The following FOXJ3 variants were observed in gnomAD, a reference collection of about 807,000 sequenced individuals.
FOXJ3 encodes forkhead box protein J3.
A neutral mutation model predicts 76.1 loss-of-function variants in FOXJ3; 22 were observed. The ratio of observed to expected loss-of-function variants is 0.29; its 90% confidence interval spans 0.21 to 0.41. The LOEUF (loss-of-function observed/expected upper bound fraction) is 0.41, where lower values mean the gene tolerates loss of function less well. FOXJ3 is among the 10% of genes least tolerant of loss of function. FOXJ3 has a pLI of 1.00. For missense variants in FOXJ3, 613 were observed against 762.1 expected (o/e 0.80, Z 2.30); for synonymous variants, 269 against 261.2 (o/e 1.03, Z -0.29).
intron 4 of FOXJ3, among the ~76,000 whole-genome samples, chr1:42,247,381 TA>T (rs1195466368): frequency 6.6e-6 from 1 of 152,102 alleles, no homozygotes; most frequent in Non-Finnish European, 1.5e-5. Context: ...CAAATTATAT[TA>T]GCAATACAGG....
At chr1:42,242,054 C>T (rs1649187346) in intron 4 of FOXJ3, among the ~76,000 whole-genome samples, 1 of 152,166 alleles carries the variant, frequency 6.6e-6, no homozygotes, top group Admixed American at 6.5e-5. Context: ...CTGCTACATA[C>T]ACCCAGAATC....
At chr1:42,211,260 T>A (rs1414084079) in intron 5 of FOXJ3, among the ~76,000 whole-genome samples, 1 of 152,124 alleles carries the variant, frequency 6.6e-6, no homozygotes, top group Non-Finnish European at 1.5e-5. Context: ...AACTGCATCC[T>A]TAAAGGAGGT....
At chr1:42,318,839 A>G (rs886999828) in intron 1 of FOXJ3, among the ~76,000 whole-genome samples, 1 of 152,226 alleles carries the variant, frequency 6.6e-6, no homozygotes, top group African/African-American at 2.4e-5. Context: ...AAGAGTTACC[A>G]TATGACCCAG....
intron 7 of FOXJ3, among the ~76,000 whole-genome samples, chr1:42,195,813 C>T (rs1039956045): frequency 2.0e-5 from 3 of 152,204 alleles, no homozygotes; most frequent in Non-Finnish European, 2.9e-5. Context: ...AAAATGGCTC[C>T]GCCACTGGCA....
intron 4 of FOXJ3, among the ~76,000 whole-genome samples, chr1:42,239,208 G>A (rs1648937473): frequency 6.6e-6 from 1 of 151,980 alleles, no homozygotes; most frequent in Non-Finnish European, 1.5e-5. Context: ...ATAAAGACAA[G>A]CTTACATTAT....
At chr1:42,300,006 G>C (rs1210796698) in intron 2 of FOXJ3, among the ~76,000 whole-genome samples, 1 of 151,936 alleles carries the variant, frequency 6.6e-6, no homozygotes, top group East Asian at 1.9e-4. Flanking sequence ...TTTGAGACCT[G>C]CCTGGCCAAT....
rs190922610 is a variant in FOXJ3 at position 42,333,660 on chromosome 1, C to A, written c.-18+1399G>T. Among the ~76,000 whole-genome samples the A allele has an allele frequency of 2.3e-4, 35 of 152,150 alleles. No homozygotes were observed. The East Asian group carries it at 6.6e-3, about 29-fold the overall frequency. Reference sequence around the variant, plus strand: ...GCTTCTCTCACTGTTATTGCGGGAACAATCTGTGGTCTCAAAACAGCAAAA... The same window carrying A: ...GCTTCTCTCACTGTTATTGCGGGAAAAATCTGTGGTCTCAAAACAGCAAAA... On this transcript the variant is annotated intron_variant, in intron 1 of 12. Coordinates refer to ENST00000361346, the MANE Select transcript of FOXJ3 (RefSeq NM_014947.5).
chr1:42,321,843 T>G (rs1016905485), intron 1 of FOXJ3, among the ~76,000 whole-genome samples: 1 of 151,898 alleles, frequency 6.6e-6, no homozygotes, highest in Non-Finnish European at 1.5e-5. Context: ...ATTAAAGAGA[T>G]GTATGAGGAA....
At chr1:42,198,992 T>C in intron 7 of FOXJ3, 110 bp downstream of exon 7, 2 of 815,222 alleles carry the variant, frequency 2.5e-6, no homozygotes, top group Non-Finnish European at 3.9e-6. Context: ...AATAAATTTA[T>C]TAGTGAGAAA....
At chr1:42,274,680 GA>G (rs371166342) in intron 3 of FOXJ3, among the ~76,000 whole-genome samples, 16 of 152,150 alleles carry the variant, frequency 1.1e-4, no homozygotes, top group African/African-American at 3.9e-4. Flanking sequence ...CTGGCAGACA[GA>G]AAATAATAAA....
intron 1 of FOXJ3, among the ~76,000 whole-genome samples, chr1:42,326,590 T>C (rs1054074671): frequency 6.6e-6 from 1 of 152,188 alleles, no homozygotes; most frequent in African/African-American, 2.4e-5. Flanking sequence ...AGATGTATAC[T>C]TACATAAAAC....
At chr1:42,289,653 G>A (rs1001817262) in intron 2 of FOXJ3, among the ~76,000 whole-genome samples, 1 of 152,058 alleles carries the variant, frequency 6.6e-6, no homozygotes, top group Non-Finnish European at 1.5e-5. Context: ...ATCTGAAGAG[G>A]CCAAAAAATA....
At chr1:42,201,944 T>G (rs915251187) in intron 6 of FOXJ3, among the ~76,000 whole-genome samples, 1 of 152,160 alleles carries the variant, frequency 6.6e-6, no homozygotes, top group Non-Finnish European at 1.5e-5. Flanking sequence ...TGATAAGTCA[T>G]TTTTTATGAT....
At chr1:42,273,674 CAA>C (rs35528514) in intron 3 of FOXJ3, among the ~76,000 whole-genome samples, 2 of 86,368 alleles carry the variant, frequency 2.3e-5, no homozygotes, top group Non-Finnish European at 4.3e-5. Flanking sequence ...CACTCCATCT[CAA>C]AAAAAAAAAA....
intron 5 of FOXJ3, among the ~76,000 whole-genome samples, chr1:42,214,708 T>C (rs111946789): frequency 6.6e-6 from 1 of 152,134 alleles, no homozygotes; most frequent in African/African-American, 2.4e-5. Flanking sequence ...GATTAGGCAA[T>C]AGATGTGGAG....
At chr1:42,292,477 T>G (rs1653503353) in intron 2 of FOXJ3, among the ~76,000 whole-genome samples, 1 of 152,154 alleles carries the variant, frequency 6.6e-6, no homozygotes. Context: ...TAAAAAGGAA[T>G]GAACTGCTGA....
chr1:42,300,314 A>T (rs1654054919), intron 2 of FOXJ3, among the ~76,000 whole-genome samples: 1 of 152,088 alleles, frequency 6.6e-6, no homozygotes, highest in African/African-American at 2.4e-5. Flanking sequence ...TGAGCTTTTT[A>T]TTTTTATGAT....
Position 42,216,442 on chromosome 1 carries a change from C to T in FOXJ3, c.529-10579G>A, listed in dbSNP as rs559716140. Among the ~76,000 whole-genome samples, 109 of 150,916 alleles carry T rather than the reference C, an allele frequency of 7.2e-4. 2 individuals carry two copies. The South Asian group carries it at 0.022, about 30-fold the overall frequency. On this transcript the variant is annotated intron_variant, in intron 5 of 12. Coordinates refer to ENST00000361346, the MANE Select transcript of FOXJ3 (RefSeq NM_014947.5). ...CTGAGGCAGGAGAATGGCGTGAACC[C>T]GGGAGGCGGAGCTTGCAGTGAGCCG...
chr1:42,247,644 G>A (rs1363312518), intron 4 of FOXJ3, among the ~76,000 whole-genome samples: 1 of 152,114 alleles, frequency 6.6e-6, no homozygotes, highest in Non-Finnish European at 1.5e-5. Context: ...AACTACTATT[G>A]GCAAGGATGT....
Sources: allele counts gnomAD v4.1 joint callset (sites outside exome capture counted in the v4.1 genomes callset), GRCh38; gene constraint gnomAD v4.1.1; transcripts MANE v1.5; gene names NCBI Gene and HGNC (gene_info 2026-07-23, HGNC 2026-07-21).